The following MEMO1 variants were observed in gnomAD, a reference collection of about 807,000 sequenced individuals.
The protein encoded by MEMO1 is protein MEMO1.
MEMO1 carries 6 observed loss-of-function variants against 45.2 expected under a neutral mutation model. The ratio of observed to expected loss-of-function variants is 0.13; its 90% CI spans 0.07 to 0.26. The LOEUF (loss-of-function observed/expected upper bound fraction) is 0.26. Among genes scored for constraint, MEMO1 ranks in the 10% least tolerant of loss-of-function variants. The pLI is 1.00. For synonymous variants in MEMO1, 78 were observed against 124.3 expected, an observed-to-expected ratio of 0.63 and a Z score of 2.48; for missense variants, 184 against 370.5, an observed-to-expected ratio of 0.50 and a Z score of 4.13.
At chr2:31,971,974 A>AAAAAG (rs567822950) in intron 2 of MEMO1, among the ~76,000 whole-genome samples, 5 of 152,184 alleles carry the variant, frequency 3.3e-5, no homozygotes, top group Admixed American at 6.6e-5. Flanking sequence ...TGTCTCAAAA[A>AAAAAG]AAAAGAAAAG....
intron 8 of MEMO1, among the ~76,000 whole-genome samples, chr2:31,876,294 T>C (rs1018109119): frequency 1.3e-5 from 2 of 152,202 alleles, no homozygotes; most frequent in African/African-American, 4.8e-5. Context: ...CGCTGATCTT[T>C]ACTTGATTTG....
At chr2:31,888,026 T>C (rs1676442764) in intron 7 of MEMO1, among the ~76,000 whole-genome samples, 1 of 152,118 alleles carries the variant, frequency 6.6e-6, no homozygotes. Flanking sequence ...TATAAATGTA[T>C]GCATAAAAAT....
At chr2:31,991,512 A>C (rs1202751088) in intron 2 of MEMO1, among the ~76,000 whole-genome samples, 1 of 151,272 alleles carries the variant, frequency 6.6e-6, no homozygotes, top group Non-Finnish European at 1.5e-5. Flanking sequence ...TGGAGGTTGC[A>C]GTGAGCCAAG....
At chr2:31,884,320 T>C (rs1193679725) in intron 7 of MEMO1, among the ~76,000 whole-genome samples, 1 of 152,192 alleles carries the variant, frequency 6.6e-6, no homozygotes, top group Non-Finnish European at 1.5e-5. Context: ...ACCTAAATCT[T>C]TTAGCAGTGC....
At chr2:31,964,889 A>G (rs1668429870) in intron 2 of MEMO1, among the ~76,000 whole-genome samples, 1 of 152,014 alleles carries the variant, frequency 6.6e-6, no homozygotes, top group Non-Finnish European at 1.5e-5. Flanking sequence ...AGTTTCTTTT[A>G]GAGCTATATA....
intron 1 of MEMO1, 83 bp from the exon 2 acceptor site, chr2:32,010,347 A>T (rs1674717288): frequency 1.6e-6 from 1 of 606,820 alleles, no homozygotes; most frequent in Non-Finnish European, 2.7e-6. Flanking sequence ...CCGCGGGCCC[A>T]GCCCAGGAGG....
intron 3 of MEMO1, among the ~76,000 whole-genome samples, chr2:31,939,756 T>C (rs1175818826): frequency 1.3e-5 from 2 of 152,194 alleles, no homozygotes; most frequent in African/African-American, 4.8e-5. Context: ...ACTCACTTCA[T>C]ATACAAACAC....
chr2:31,969,362 C>T (rs72796841), intron 2 of MEMO1, among the ~76,000 whole-genome samples: 6,307 of 145,596 alleles, frequency 0.043, 237 homozygotes, highest in Admixed American at 0.12. Flanking sequence ...ATATATGTTA[C>T]GTGTATATAT....
chr2:31,933,348 A>AAAT (rs1558514269), intron 3 of MEMO1, among the ~76,000 whole-genome samples: 38 of 16,172 alleles, frequency 2.3e-3, no homozygotes, highest in African/African-American at 2.4e-3. Context: ...AAAAAAAAAA[A>AAAT]ATTTATATAT....
At chr2:31,942,131 C>T (rs1414850245) in intron 3 of MEMO1, among the ~76,000 whole-genome samples, 2 of 152,128 alleles carry the variant, frequency 1.3e-5, no homozygotes, top group African/African-American at 4.8e-5. Context: ...TAACTGAATT[C>T]ATATCATACA....
intron 2 of MEMO1, among the ~76,000 whole-genome samples, chr2:32,004,765 A>G (rs1198559513): frequency 1.3e-5 from 2 of 152,042 alleles, no homozygotes; most frequent in Non-Finnish European, 2.9e-5. Context: ...CATCTCTACT[A>G]AAAATACAAA....
intron 6 of MEMO1, among the ~76,000 whole-genome samples, chr2:31,911,111 A>G (rs1680502717): frequency 6.6e-6 from 1 of 152,192 alleles, no homozygotes; most frequent in Admixed American, 6.5e-5. Flanking sequence ...AATTAAATAT[A>G]GCAACAATCC....
intron 2 of MEMO1, among the ~76,000 whole-genome samples, chr2:31,967,280 C>G (rs1479023780): frequency 6.6e-6 from 1 of 151,908 alleles, no homozygotes; most frequent in South Asian, 2.1e-4. Context: ...CCCACCACCA[C>G]GCCCGGCTAA....
At chr2:31,906,283 C>CTTTTGT (rs532162502) in intron 6 of MEMO1, among the ~76,000 whole-genome samples, 1 of 150,746 alleles carries the variant, frequency 6.6e-6, no homozygotes, top group Non-Finnish European at 1.5e-5. Flanking sequence ...GAGTGCTATT[C>CTTTTGT]TTTTGTTTTT....
chr2:31,899,962 A>C (rs1175334635), intron 6 of MEMO1, among the ~76,000 whole-genome samples: 1 of 152,260 alleles, frequency 6.6e-6, no homozygotes, highest in Non-Finnish European at 1.5e-5. Flanking sequence ...GAGAAATGCA[A>C]ATCAAAACCA....
At chr2:31,974,972 A>C (rs1242878282) in intron 2 of MEMO1, among the ~76,000 whole-genome samples, 1 of 152,048 alleles carries the variant, frequency 6.6e-6, no homozygotes, top group Non-Finnish European at 1.5e-5. Flanking sequence ...GGAGTTTGAG[A>C]CCAGCTTGGC....
intron 6 of MEMO1, among the ~76,000 whole-genome samples, chr2:31,905,554 G>A (rs1679535846): frequency 6.6e-6 from 1 of 152,164 alleles, no homozygotes; most frequent in South Asian, 2.1e-4. Context: ...CTACTATGAA[G>A]CAACACAATC....
At chr2:31,995,233 C>A (rs1037571379) in intron 2 of MEMO1, among the ~76,000 whole-genome samples, 9 of 152,094 alleles carry the variant, frequency 5.9e-5, no homozygotes, top group Admixed American at 4.6e-4. Context: ...GGGTGAATCA[C>A]TTGAGGTCAG....
In MEMO1 at chr2:31,933,317, TAAAA is replaced by T. The variant is rs34487390; in HGVS notation, c.144-1186_144-1183del. 5.8e-3 allele frequency among the ~76,000 whole-genome samples: 140 copies of T among 24,018 alleles called. 1 individual carries two copies. The highest frequency in any genetic ancestry group is 0.017 in the African/African-American group (96 of 5,566). 15.8% of individuals were successfully genotyped at this position (24,018 alleles called of 152,430 possible). A position where few individuals can be genotyped will look rare whatever the true frequency, so the allele number is the denominator to read the frequency against. The stretch of plus-strand genomic sequence containing the variant: ...ATGACAGAGCGAGATACCACCTCTT[TAAAA>T]AAAAAAAAAAAAAAAAAAAAAAAAA... On this transcript the variant is annotated intron_variant, in intron 3 of 9. Coordinates refer to ENST00000404530, the MANE Select transcript of MEMO1 (RefSeq NM_001301833.4).
Sources: allele counts gnomAD v4.1 joint callset (sites outside exome capture counted in the v4.1 genomes callset), GRCh38; gene constraint gnomAD v4.1.1; transcripts MANE v1.5; gene names NCBI Gene and HGNC (gene_info 2026-07-23, HGNC 2026-07-21).